Variants in GPR39 observed in about 807,000 individuals in gnomAD.
GPR39 encodes the protein zinc sensing receptor.
A neutral mutation model predicts 18.4 loss-of-function variants in GPR39; 23 were observed. That is an observed-to-expected ratio of 1.25 (90% CI 0.90 to 1.77). The LOEUF is 1.77. GPR39 is among the 40% of genes most tolerant of loss of function. GPR39 has a pLI of 0.00. For synonymous variants in GPR39, 280 were observed against 257.9 expected (o/e 1.09, Z -0.82); for missense variants, 647 against 602.4 (o/e 1.07, Z -0.78).
Position 132,417,580 on chromosome 2 carries a change from CT to C in GPR39, c.539del (p.Leu180ArgfsTer2). The C allele has an allele frequency of 6.2e-7, 1 of 1,614,090 alleles. No homozygotes were observed. Among genetic ancestry groups the C allele is most frequent in the Non-Finnish European group, 8.5e-7 (1 of 1,180,012 alleles). On this transcript the variant is annotated frameshift_variant, in exon 1 of 2. Coordinates refer to ENST00000329321, the MANE Select transcript of GPR39 (RefSeq NM_001508.3). LOFTEE classifies it high-confidence loss of function. ...GTTTGCCATGGGTACTGAGTACCCC[CT>C]GGTGAACGTGCCCAGCCACCGGGGT... The part of the protein sequence containing the change: ...LLFAMGTEYP[L>X]VNVPSHRGLT...
At chr2:132,450,478 A>G (rs895394359) in intron 1 of GPR39, among the ~76,000 whole-genome samples, 8 of 152,224 alleles carry the variant, frequency 5.3e-5, no homozygotes, top group Admixed American at 3.9e-4. Context: ...TCTTATCTGC[A>G]TATGGTTGTT....
chr2:132,640,533 A>G (rs1371921191), intron 1 of GPR39, among the ~76,000 whole-genome samples: 1 of 152,272 alleles, frequency 6.6e-6, no homozygotes, highest in Non-Finnish European at 1.5e-5. Context: ...TACCTGCTTT[A>G]CATGAGTGGG....
At chr2:132,556,720 G>A (rs139321248) in intron 1 of GPR39, among the ~76,000 whole-genome samples, 81 of 152,188 alleles carry the variant, frequency 5.3e-4, no homozygotes, top group African/African-American at 1.9e-3. Context: ...CCTCCACACA[G>A]TCTCCTTAAT....
chr2:132,428,533 C>T (rs1203412848), intron 1 of GPR39, among the ~76,000 whole-genome samples: 7 of 152,144 alleles, frequency 4.6e-5, no homozygotes, highest in Non-Finnish European at 4.4e-5. Context: ...TTGTTAGTCT[C>T]GATATTCACA....
chr2:132,434,090 T>C (rs1034606054), intron 1 of GPR39, among the ~76,000 whole-genome samples: 1 of 151,890 alleles, frequency 6.6e-6, no homozygotes, highest in Non-Finnish European at 1.5e-5. Flanking sequence ...AAGAAAATCA[T>C]TGAGGAGAAA....
chr2:132,617,833 A>G (rs183054353), intron 1 of GPR39, among the ~76,000 whole-genome samples: 2 of 152,348 alleles, frequency 1.3e-5, no homozygotes, highest in South Asian at 2.1e-4. Context: ...GTCCCTTAAA[A>G]TATCTGAGCC....
chr2:132,646,292 AC>A lies in GPR39; in HGVS notation c.*689del. ...GCGGTACATGATCCCTGTAACACAG[AC>A]CCAAAGGAGCTGAGTTAACGTGCAC... On this transcript the variant is annotated 3_prime_UTR_variant, in exon 2 of 2. Transcript: ENST00000329321. 6.9e-7 allele frequency: 1 copy of A among 1,443,106 alleles called. No individual in the cohort carries two copies. The highest frequency in any genetic ancestry group is 2.6e-5 in the East Asian group (1 of 39,208). 89.4% of individuals were successfully genotyped at this position (1,443,106 alleles called of 1,614,324 possible).
At chr2:132,443,677 T>C (rs1434186057) in intron 1 of GPR39, among the ~76,000 whole-genome samples, 1 of 152,214 alleles carries the variant, frequency 6.6e-6, no homozygotes, top group Admixed American at 6.5e-5. Context: ...ATATCTGAAT[T>C]AACAGAACAC....
intron 1 of GPR39, among the ~76,000 whole-genome samples, chr2:132,470,583 G>A (rs1412442505): frequency 6.6e-6 from 1 of 152,100 alleles, no homozygotes; most frequent in African/African-American, 2.4e-5. Context: ...CTGAGTAAAG[G>A]GTGAGCCATT....
At chr2:132,585,639 C>T (rs891476325) in intron 1 of GPR39, among the ~76,000 whole-genome samples, 2 of 152,168 alleles carry the variant, frequency 1.3e-5, no homozygotes, top group Non-Finnish European at 2.9e-5. Flanking sequence ...GTGTTGTAGG[C>T]ACTGGCGTGG....
intron 1 of GPR39, among the ~76,000 whole-genome samples, chr2:132,614,182 T>TTTG (rs1553460241): frequency 5.9e-5 from 9 of 151,914 alleles, no homozygotes; most frequent in African/African-American, 1.5e-4. Context: ...GCTTGCTTTT[T>TTTG]TTTTTGTTTT....
At chr2:132,480,560 A>C (rs1228535144) in intron 1 of GPR39, among the ~76,000 whole-genome samples, 2 of 152,168 alleles carry the variant, frequency 1.3e-5, no homozygotes, top group East Asian at 3.9e-4. Context: ...GGGCAGGGAC[A>C]GGAGGAAGGA....
chr2:132,585,954 T>C (rs1405722881), intron 1 of GPR39, among the ~76,000 whole-genome samples: 1 of 138,148 alleles, frequency 7.2e-6, no homozygotes, highest in Admixed American at 7.1e-5. Context: ...CCCGGTTTTT[T>C]TTTTTTTTTT....
intron 1 of GPR39, among the ~76,000 whole-genome samples, chr2:132,630,481 G>A (rs948537350): frequency 2.0e-5 from 3 of 152,178 alleles, no homozygotes; most frequent in African/African-American, 7.2e-5. Flanking sequence ...ACAGACTGGA[G>A]GAATAAGCCT....
At chr2:132,570,173 A>G (rs1159189852) in intron 1 of GPR39, among the ~76,000 whole-genome samples, 6 of 151,944 alleles carry the variant, frequency 3.9e-5, no homozygotes, top group Admixed American at 2.6e-4. Context: ...CCCAGTGTCT[A>G]CAGTCCTTGT....
At chr2:132,512,994 G>T (rs1256229254) in intron 1 of GPR39, among the ~76,000 whole-genome samples, 1 of 152,168 alleles carries the variant, frequency 6.6e-6, no homozygotes, top group African/African-American at 2.4e-5. Context: ...GCTTAGCTGG[G>T]CAGTCCTTCT....
At chr2:132,499,074 T>C (rs1681702405) in intron 1 of GPR39, among the ~76,000 whole-genome samples, 1 of 152,246 alleles carries the variant, frequency 6.6e-6, no homozygotes, top group Non-Finnish European at 1.5e-5. Flanking sequence ...AAATTCCATC[T>C]ATTTATCTTT....
intron 1 of GPR39, among the ~76,000 whole-genome samples, chr2:132,626,850 A>G (rs1681553261): frequency 6.6e-6 from 1 of 152,240 alleles, no homozygotes; most frequent in African/African-American, 2.4e-5. Flanking sequence ...GGCTTAAGAA[A>G]AAAGAATGTA....
At chr2:132,443,513 C>T (rs1027872076) in intron 1 of GPR39, among the ~76,000 whole-genome samples, 2 of 152,128 alleles carry the variant, frequency 1.3e-5, no homozygotes, top group African/African-American at 4.8e-5. Flanking sequence ...GATGATTTTG[C>T]CCAACCGTAG....
Sources: gnomAD v4.1 joint callset for allele counts (sites outside exome capture counted in the v4.1 genomes callset) on GRCh38, gnomAD v4.1.1 for gene constraint, MANE v1.5 for transcripts, NCBI Gene and HGNC (gene_info 2026-07-23, HGNC 2026-07-21) for gene names.